The following KIAA1217 variants were observed in gnomAD, a reference collection of about 807,000 sequenced individuals.
The protein encoded by KIAA1217 is KIAA1217, also known as sickle tail protein homolog.
In KIAA1217, 88 loss-of-function variants were observed where a neutral mutation model predicts 163.9. That is an observed-to-expected ratio of 0.54 (90% confidence interval 0.45 to 0.64). KIAA1217 has a LOEUF of 0.64. Among genes scored for constraint, KIAA1217 ranks in the 30% least tolerant of loss-of-function variants. The pLI is 0.00. For missense variants in KIAA1217, 2,372 were observed against 2,475.0 expected (o/e 0.96, Z 0.88); for synonymous variants, 903 against 923.1 (o/e 0.98, Z 0.39).
rs1371502428 is a variant in KIAA1217, at chr10:24,527,924, A to G, written c.2899-12A>G. 1 of 1,610,162 alleles carries G rather than the reference A, an allele frequency of 6.2e-7. No individual in the cohort carries two copies. The highest frequency in any genetic ancestry group is 8.5e-7 in the Non-Finnish European group (1 of 1,177,242). ...GTCCACGTAACTTCCTTTACGTGCT[A>G]TATTCCTCCAGAAAGCAGAAAAGAA... is the stretch of plus-strand genomic sequence containing the variant. On this transcript the variant is annotated splice_polypyrimidine_tract_variant and intron_variant, in intron 13 of 20. Coordinates refer to ENST00000376454, the MANE Select transcript of KIAA1217 (RefSeq NM_019590.5).
At chr10:24,239,942 G>A (rs1477133831) in intron 2 of KIAA1217, among the ~76,000 whole-genome samples, 1 of 152,106 alleles carries the variant, frequency 6.6e-6, no homozygotes, top group Non-Finnish European at 1.5e-5. Flanking sequence ...TCCAGTTTTT[G>A]AGCTTTTAGG....
chr10:23,733,918 G>A (rs1160291690), intron 1 of KIAA1217, among the ~76,000 whole-genome samples: 5 of 151,884 alleles, frequency 3.3e-5, no homozygotes, highest in African/African-American at 1.2e-4. Flanking sequence ...TTGTTACTTG[G>A]CAGTTTACTG....
intron 2 of KIAA1217, among the ~76,000 whole-genome samples, chr10:24,067,203 G>C (rs919794539): frequency 1.3e-5 from 2 of 152,116 alleles, no homozygotes; most frequent in African/African-American, 4.8e-5. Context: ...CGTTCCTTTG[G>C]AGGAGGAGAG....
At position 24,536,883 on chromosome 10, in the gene KIAA1217, A is replaced by G. The variant is rs1405859663; in HGVS notation, c.3524A>G (p.Lys1175Arg). The change falls in exon 17 of 21, where the codon AAG (lysine) becomes AGG (arginine). Residue 1175 changes from lysine to arginine, a missense_variant. Around this residue, in one of 3 missense-constraint regions of KIAA1217, gnomAD observed 251 missense variants for 327.3 expected, o/e 0.77. Coordinates refer to ENST00000376454, the MANE Select transcript of KIAA1217 (RefSeq NM_019590.5). ...DTRSGATVPP[K>R]EKKNLEFFHE... ...AGGTCGGGCGCCACAGTGCCACCCA[A>G]GGAGAAGAAGGTAACGTGGCAACTG... is the stretch of plus-strand genomic sequence containing the variant. The G allele has an allele frequency of 6.2e-7, 1 of 1,613,878 alleles. No individual in the cohort carries two copies. The highest frequency in any genetic ancestry group is 8.5e-7 in the Non-Finnish European group (1 of 1,179,930).
intron 1 of KIAA1217, among the ~76,000 whole-genome samples, chr10:23,943,454 C>T (rs1843867949): frequency 6.6e-6 from 1 of 152,156 alleles, no homozygotes; most frequent in African/African-American, 2.4e-5. Context: ...TAAAACATTT[C>T]TGATAGGATA....
chr10:24,510,170 A>C (rs1246915302), intron 9 of KIAA1217, among the ~76,000 whole-genome samples: 1 of 152,220 alleles, frequency 6.6e-6, no homozygotes, highest in East Asian at 1.9e-4. Context: ...AGTTGAATTC[A>C]GAAGACCTGG....
At chr10:24,261,499 CAAA>C (rs574514121) in intron 2 of KIAA1217, among the ~76,000 whole-genome samples, 2 of 131,956 alleles carry the variant, frequency 1.5e-5, no homozygotes, top group Non-Finnish European at 1.6e-5. Flanking sequence ...CTGTCTCAGA[CAAA>C]AAAAAAAAAA....
At chr10:23,800,260 G>T (rs749281475) in intron 1 of KIAA1217, among the ~76,000 whole-genome samples, 3 of 152,118 alleles carry the variant, frequency 2.0e-5, no homozygotes, top group Middle Eastern at 6.3e-3. Context: ...TTCCTCAGTG[G>T]ATTTGAGGGG....
chr10:23,913,955 C>T (rs1024519180), intron 1 of KIAA1217, among the ~76,000 whole-genome samples: 1 of 152,122 alleles, frequency 6.6e-6, no homozygotes, highest in African/African-American at 2.4e-5. Context: ...TGTACCTGGA[C>T]CCTCCCTGGA....
intron 1 of KIAA1217, among the ~76,000 whole-genome samples, chr10:23,844,815 A>T (rs1588932425): frequency 6.6e-6 from 1 of 151,772 alleles, no homozygotes; most frequent in Non-Finnish European, 1.5e-5. Context: ...AGGTATACAC[A>T]TGCCATGGTG....
At chr10:24,228,299 T>C (rs2070875462) in intron 2 of KIAA1217, among the ~76,000 whole-genome samples, 1 of 151,986 alleles carries the variant, frequency 6.6e-6, no homozygotes, top group Admixed American at 6.6e-5. Flanking sequence ...TAGGTTATCA[T>C]AAGAAAGCTG....
At chr10:24,171,863 C>A (rs1048398919) in intron 2 of KIAA1217, among the ~76,000 whole-genome samples, 3 of 152,008 alleles carry the variant, frequency 2.0e-5, no homozygotes, top group Non-Finnish European at 2.9e-5. Context: ...ACACCATAAT[C>A]AAAAATCATA....
chr10:24,528,217 G>T, intron 14 of KIAA1217, 98 bp downstream of exon 14: 1 of 915,384 alleles, frequency 1.1e-6, no homozygotes. Context: ...CAGAACCAAT[G>T]TCTCAGTTCT....
intron 1 of KIAA1217, among the ~76,000 whole-genome samples, chr10:24,000,818 T>C (rs994686054): frequency 6.6e-5 from 10 of 152,240 alleles, no homozygotes; most frequent in African/African-American, 2.4e-4. Flanking sequence ...TCACCCCAGG[T>C]CGAGCACTGC....
intron 2 of KIAA1217, among the ~76,000 whole-genome samples, chr10:24,159,974 A>G (rs150488171): frequency 2.0e-5 from 3 of 152,140 alleles, no homozygotes; most frequent in Non-Finnish European, 2.9e-5. Context: ...TTTTTTCCCC[A>G]TAGAATTGCC....
chr10:24,109,388 T>A (rs774326224), intron 2 of KIAA1217, among the ~76,000 whole-genome samples: 2 of 152,162 alleles, frequency 1.3e-5, no homozygotes, highest in African/African-American at 2.4e-5. Flanking sequence ...TGGTCTCTTT[T>A]TTTTTTGATT....
chr10:24,428,699 G>A (rs2059361273), intron 3 of KIAA1217, among the ~76,000 whole-genome samples: 1 of 151,440 alleles, frequency 6.6e-6, no homozygotes, highest in Admixed American at 6.6e-5. Context: ...AGGTACTAAG[G>A]ATACAGTAGA....
intron 2 of KIAA1217, among the ~76,000 whole-genome samples, chr10:24,023,035 C>T (rs185353028): frequency 1.3e-5 from 2 of 151,682 alleles, no homozygotes; most frequent in East Asian, 3.9e-4. Context: ...ACTGCTATCA[C>T]CATTTCCTTT....
chr10:24,539,322 C>T (rs1467417284), intron 17 of KIAA1217, among the ~76,000 whole-genome samples: 3 of 152,042 alleles, frequency 2.0e-5, no homozygotes, highest in Non-Finnish European at 4.4e-5. Context: ...TCCCCCTCCC[C>T]GGTTCAAGTG....
Sources: gnomAD v4.1 joint callset for allele counts (sites outside exome capture counted in the v4.1 genomes callset) on GRCh38, gnomAD v4.1.1 for gene constraint, gnomAD v4.1.1 regional missense constraint, MANE v1.5 for transcripts, NCBI Gene and HGNC (gene_info 2026-07-23, HGNC 2026-07-21) for gene names.